The following DACH1 variants were observed in gnomAD, a reference collection of about 807,000 sequenced individuals.
The protein encoded by DACH1 is dachshund homolog 1.
In DACH1, 12 loss-of-function variants were observed where a neutral mutation model predicts 54.2. That is an observed-to-expected ratio of 0.22 (90% CI 0.14 to 0.36). The LOEUF is 0.36. Among genes scored for constraint, DACH1 ranks in the 10% least tolerant of loss-of-function variants. DACH1 has a pLI of 1.00. For missense variants in DACH1, 805 were observed against 929.8 expected (o/e 0.87, Z 1.75); for synonymous variants, 386 against 366.2 (o/e 1.05, Z -0.62).
chr13:71,755,369 A>G (rs957002098), intron 1 of DACH1, among the ~76,000 whole-genome samples: 1 of 152,228 alleles, frequency 6.6e-6, no homozygotes, highest in Admixed American at 6.5e-5. Flanking sequence ...AGCTATTTTC[A>G]CAGAACTCTC....
chr13:71,809,482 A>C (rs1887629608), intron 1 of DACH1, among the ~76,000 whole-genome samples: 1 of 152,152 alleles, frequency 6.6e-6, no homozygotes, highest in Non-Finnish European at 1.5e-5. Context: ...AGAATCTTTT[A>C]ATAGTGTTTA....
chr13:71,750,649 C>A (rs922258746), intron 1 of DACH1, among the ~76,000 whole-genome samples: 1 of 152,110 alleles, frequency 6.6e-6, no homozygotes, highest in Non-Finnish European at 1.5e-5. Flanking sequence ...CACTACCATG[C>A]ATGGCTTTTT....
chr13:71,674,789 A>G (rs1414876829), intron 2 of DACH1, among the ~76,000 whole-genome samples: 1 of 35,484 alleles, frequency 2.8e-5, no homozygotes, highest in African/African-American at 1.1e-4. Flanking sequence ...TACAAAAAGG[A>G]AAAAAAAAAG....
chr13:71,570,267 A>G (rs905271460), intron 4 of DACH1, among the ~76,000 whole-genome samples: 3 of 152,144 alleles, frequency 2.0e-5, no homozygotes, highest in Non-Finnish European at 1.5e-5. Flanking sequence ...TTAAGCATCT[A>G]TAACTGCTTA....
chr13:71,554,278 A>G (rs976335783), intron 6 of DACH1, among the ~76,000 whole-genome samples: 8 of 152,156 alleles, frequency 5.3e-5, no homozygotes, highest in African/African-American at 1.9e-4. Context: ...AACGCTTACT[A>G]GAATAGTATC....
At chr13:71,842,034 A>C (rs1219827926) in intron 1 of DACH1, among the ~76,000 whole-genome samples, 1 of 152,218 alleles carries the variant, frequency 6.6e-6, no homozygotes, top group Non-Finnish European at 1.5e-5. Flanking sequence ...AACTCATTTT[A>C]GGCTGCAAGT....
At chr13:71,621,147 G>T (rs768734792) in intron 3 of DACH1, among the ~76,000 whole-genome samples, 1 of 151,416 alleles carries the variant, frequency 6.6e-6, no homozygotes, top group African/African-American at 2.4e-5. Flanking sequence ...CTTCTTTGTC[G>T]CTATGCAGCT....
chr13:71,640,159 C>G (rs1257250183), intron 2 of DACH1, among the ~76,000 whole-genome samples: 1 of 151,962 alleles, frequency 6.6e-6, no homozygotes, highest in Admixed American at 6.6e-5. Flanking sequence ...AAGAAAAGTA[C>G]AGAAGACAGT....
At chr13:71,683,368 C>G (rs981535524) in intron 1 of DACH1, among the ~76,000 whole-genome samples, 2 of 151,926 alleles carry the variant, frequency 1.3e-5, no homozygotes, top group African/African-American at 4.8e-5. Flanking sequence ...GAAGACAATT[C>G]TGAAGAAGAA....
chr13:71,687,902 C>A (rs1177800662), intron 1 of DACH1, among the ~76,000 whole-genome samples: 1 of 152,170 alleles, frequency 6.6e-6, no homozygotes, highest in Admixed American at 6.5e-5. Context: ...GCCACCGCAC[C>A]CCAACATAAA....
intron 1 of DACH1, among the ~76,000 whole-genome samples, chr13:71,796,141 G>C (rs141121848): frequency 0.019 from 2,947 of 152,088 alleles, 94 homozygotes; most frequent in African/African-American, 0.066. Flanking sequence ...TACTAATTCT[G>C]CAAGTGACTT....
chr13:71,629,184 T>C (rs896803562), intron 3 of DACH1, among the ~76,000 whole-genome samples: 1 of 152,150 alleles, frequency 6.6e-6, no homozygotes, highest in African/African-American at 2.4e-5. Flanking sequence ...TGTCTAAATA[T>C]ATGTGTGTAA....
At chr13:71,704,319 T>G (rs1158476257) in intron 1 of DACH1, 3 of 393,124 alleles carry the variant, frequency 7.6e-6, no homozygotes, top group African/African-American at 6.3e-5. Context: ...ATGCGTACTG[T>G]TCAAAAAGGA....
At chr13:71,492,909 T>G (rs1879105819) in intron 6 of DACH1, among the ~76,000 whole-genome samples, 1 of 152,074 alleles carries the variant, frequency 6.6e-6, no homozygotes, top group Non-Finnish European at 1.5e-5. Flanking sequence ...GAATAACATA[T>G]GAAGAATACG....
chr13:71,866,470 A>ACCGCCGCCG lies in DACH1; in HGVS notation c.291_299dup (p.Gly99_Gly101dup), dbSNP rs534501618. 1.6e-6 allele frequency: 2 copies of ACCGCCGCCG among 1,256,846 alleles called. No individual in the cohort carries two copies. Among genetic ancestry groups the ACCGCCGCCG allele is most frequent in the African/African-American group, 1.7e-5 (1 of 58,016 alleles). The allele number at this position is 1,256,846 out of a possible 1,614,324, so 77.9% of individuals were successfully genotyped here. On this transcript the variant is annotated inframe_insertion, in exon 1 of 11. Coordinates refer to ENST00000613252, the MANE Select transcript of DACH1 (RefSeq NM_080759.6). ...CCAGGTTGGGGTTGCAGTTGCTGCC[A>ACCGCCGCCG]CCGCCGCCGCCGCCACCGCCGCCTC... is the stretch of plus-strand genomic sequence containing the variant.
chr13:71,580,414 T>C (rs1327088900), intron 3 of DACH1, among the ~76,000 whole-genome samples: 1 of 152,240 alleles, frequency 6.6e-6, no homozygotes, highest in Non-Finnish European at 1.5e-5. Flanking sequence ...TGGTGAGTTA[T>C]ATTTTATAGA....
At chr13:71,522,427 G>A (rs1040714937) in intron 6 of DACH1, among the ~76,000 whole-genome samples, 1 of 151,938 alleles carries the variant, frequency 6.6e-6, no homozygotes, top group African/African-American at 2.4e-5. Flanking sequence ...ATCGCTTTCT[G>A]TCTATTTTGA....
intron 1 of DACH1, among the ~76,000 whole-genome samples, chr13:71,779,256 T>A: frequency 1.5e-5 from 1 of 66,306 alleles, no homozygotes; most frequent in East Asian, 2.2e-4. Context: ...CGTATATACG[T>A]ATATATGTGT....
chr13:71,793,306 C>T (rs1247095016), intron 1 of DACH1, among the ~76,000 whole-genome samples: 1 of 152,116 alleles, frequency 6.6e-6, no homozygotes, highest in Non-Finnish European at 1.5e-5. Flanking sequence ...TCGAAAGCTG[C>T]TTAACTATAT....
Sources: allele counts gnomAD v4.1 joint callset (sites outside exome capture counted in the v4.1 genomes callset), GRCh38; gene constraint gnomAD v4.1.1; transcripts MANE v1.5; gene names NCBI Gene and HGNC (gene_info 2026-07-23, HGNC 2026-07-21).